The following NKAIN3 variants were observed in gnomAD, a reference collection of about 807,000 sequenced individuals.
The protein encoded by NKAIN3 is sodium/potassium-transporting ATPase subunit beta-1-interacting protein 3.
NKAIN3 carries 25 observed loss-of-function variants against 30.2 expected under a neutral mutation model. That is an observed-to-expected ratio of 0.83 (90% CI 0.60 to 1.16). The LOEUF is 1.16. Ranked by LOEUF, NKAIN3 falls within the 50% of genes most tolerant of loss-of-function variation. The pLI is 0.00. For missense variants in NKAIN3, 225 were observed against 254.1 expected (o/e 0.89, Z 0.78); for synonymous variants, 91 against 89.6 (o/e 1.02, Z -0.09).
intron 1 of NKAIN3, among the ~76,000 whole-genome samples, chr8:62,569,063 T>C (rs972655160): frequency 6.6e-6 from 1 of 152,162 alleles, no homozygotes; most frequent in African/African-American, 2.4e-5. Flanking sequence ...TACAACTGTC[T>C]GTTGGTCGAA....
At chr8:62,867,607 C>A (rs901731686) in intron 4 of NKAIN3, among the ~76,000 whole-genome samples, 3 of 152,194 alleles carry the variant, frequency 2.0e-5, no homozygotes, top group Admixed American at 6.5e-5. Context: ...TGACTGCTCT[C>A]TTCTCAGCAA....
chr8:62,274,265 C>T (rs1812864205), intron 1 of NKAIN3, among the ~76,000 whole-genome samples: 1 of 96,244 alleles, frequency 1.0e-5, no homozygotes, highest in Admixed American at 1.0e-4. Flanking sequence ...TGAAAAAAAG[C>T]AATTTTTTGG....
At chr8:62,476,606 G>C (rs1282162700) in intron 1 of NKAIN3, among the ~76,000 whole-genome samples, 3 of 151,870 alleles carry the variant, frequency 2.0e-5, no homozygotes, top group African/African-American at 7.3e-5. Flanking sequence ...ACAGGCACGT[G>C]CCACCATACC....
At chr8:62,564,676 TAGAAC>T (rs1809693446) in intron 1 of NKAIN3, among the ~76,000 whole-genome samples, 1 of 152,118 alleles carries the variant, frequency 6.6e-6, no homozygotes, top group Non-Finnish European at 1.5e-5. Flanking sequence ...TATAATAAAA[TAGAAC>T]AGAACAGAGC....
At chr8:62,618,522 G>T (rs183817682) in intron 3 of NKAIN3, among the ~76,000 whole-genome samples, 1 of 151,856 alleles carries the variant, frequency 6.6e-6, no homozygotes, top group African/African-American at 2.4e-5. Flanking sequence ...TGGACAATTA[G>T]TTGTGGTGGC....
rs534371780 is a variant in NKAIN3 at position 62,572,774 on chromosome 8, G to A, written c.55-6765G>A. Among the ~76,000 whole-genome samples the A allele has an allele frequency of 2.0e-5, 3 of 152,180 alleles. No homozygotes were observed. In the East Asian group the frequency reaches 5.8e-4, roughly 29 times the overall value. ...TATTCACTATCATGAGAAAAGCACA[G>A]GAAAGACCTGTCCCCATGATTCAAT... On this transcript the variant is annotated intron_variant, in intron 1 of 6. Transcript: ENST00000623646.
At chr8:62,475,639 C>A (rs531174633) in intron 1 of NKAIN3, among the ~76,000 whole-genome samples, 1 of 152,258 alleles carries the variant, frequency 6.6e-6, no homozygotes, top group East Asian at 1.9e-4. Flanking sequence ...ACTGACTGAA[C>A]CTCTGCTGGT....
In NKAIN3 at chr8:62,282,922, C is replaced by T. The variant is rs377118312; in HGVS notation, c.54+33795C>T. ...TTACTGTACTATGTAACACTAGATG[C>T]GCATTATAGTCCACATAAAAAGCCA... is the stretch of plus-strand genomic sequence containing the variant. On this transcript the variant is annotated intron_variant, in intron 1 of 6. Transcript: ENST00000623646. Among the ~76,000 whole-genome samples, 9 of 152,250 alleles carry T rather than the reference C, an allele frequency of 5.9e-5. No homozygotes were observed. In the South Asian group the frequency reaches 8.3e-4, roughly 14 times the overall value.
intron 3 of NKAIN3, among the ~76,000 whole-genome samples, chr8:62,664,138 T>C (rs183199892): frequency 1.7e-3 from 257 of 152,210 alleles, no homozygotes; most frequent in African/African-American, 5.5e-3. Context: ...CAGAAGCTTT[T>C]ACCTGTAAGA....
intron 1 of NKAIN3, among the ~76,000 whole-genome samples, chr8:62,345,588 C>CACATATATACACATATATGTATAT (rs1815964361): frequency 1.6e-5 from 2 of 126,124 alleles, no homozygotes; most frequent in African/African-American, 6.2e-5. Flanking sequence ...TATGTATATA[C>CACATATATACACATATATGTATAT]ACACATATAT....
intron 1 of NKAIN3, among the ~76,000 whole-genome samples, chr8:62,538,733 T>C (rs1477202957): frequency 1.3e-5 from 2 of 152,230 alleles, no homozygotes; most frequent in Admixed American, 1.3e-4. Context: ...CTCCGTGTTC[T>C]TGTTTTGTCA....
chr8:62,736,171 G>A (rs2130556681), intron 3 of NKAIN3, among the ~76,000 whole-genome samples: 1 of 152,312 alleles, frequency 6.6e-6, no homozygotes. Context: ...CAGTAGTATA[G>A]GAAGGATATA....
chr8:62,638,580 G>T (rs1333195908), intron 3 of NKAIN3, among the ~76,000 whole-genome samples: 1 of 152,142 alleles, frequency 6.6e-6, no homozygotes. Flanking sequence ...TTGTGTGGGT[G>T]CAGAACTAGA....
chr8:62,816,868 A>G (rs1818701164), intron 4 of NKAIN3, among the ~76,000 whole-genome samples: 1 of 152,126 alleles, frequency 6.6e-6, no homozygotes. Flanking sequence ...TCTCCCTGGA[A>G]AGATGTAGAC....
chr8:62,798,448 A>T (rs1187648043), intron 4 of NKAIN3, among the ~76,000 whole-genome samples: 1 of 151,908 alleles, frequency 6.6e-6, no homozygotes, highest in Non-Finnish European at 1.5e-5. Context: ...GGTGGGCACC[A>T]GTAGTCCCAG....
chr8:62,551,832 T>G (rs1324873038), intron 1 of NKAIN3, among the ~76,000 whole-genome samples: 1 of 152,246 alleles, frequency 6.6e-6, no homozygotes, highest in African/African-American at 2.4e-5. Context: ...TTTCTGGCCA[T>G]CTACATTTTA....
At chr8:62,312,142 A>G (rs1814461723) in intron 1 of NKAIN3, among the ~76,000 whole-genome samples, 1 of 150,724 alleles carries the variant, frequency 6.6e-6, no homozygotes, top group African/African-American at 2.5e-5. Flanking sequence ...AAAAGGAACT[A>G]CATAAGATTT....
At chr8:62,690,765 A>G (rs1813942648) in intron 3 of NKAIN3, among the ~76,000 whole-genome samples, 1 of 152,208 alleles carries the variant, frequency 6.6e-6, no homozygotes, top group Non-Finnish European at 1.5e-5. Context: ...CACCAGCTTG[A>G]GATTTTCTGA....
At chr8:62,610,092 T>C (rs558727759) in intron 3 of NKAIN3, among the ~76,000 whole-genome samples, 2 of 152,074 alleles carry the variant, frequency 1.3e-5, no homozygotes, top group African/African-American at 4.8e-5. Flanking sequence ...ATGCCTATAA[T>C]CCCAGCACTT....
Sources: allele counts gnomAD v4.1 joint callset (sites outside exome capture counted in the v4.1 genomes callset), GRCh38; gene constraint gnomAD v4.1.1; transcripts MANE v1.5; gene names NCBI Gene and HGNC (gene_info 2026-07-23, HGNC 2026-07-21).